The following TTC7B variants were observed in gnomAD, a reference collection of about 807,000 sequenced individuals.
The protein encoded by TTC7B is tetratricopeptide repeat protein 7B.
In TTC7B, 28 loss-of-function variants were observed where a neutral mutation model predicts 106.8. The ratio of observed to expected loss-of-function variants is 0.26; its 90% CI spans 0.19 to 0.36. The LOEUF is 0.36. TTC7B is among the 10% of genes least tolerant of loss of function. TTC7B has a pLI of 1.00. For missense variants in TTC7B, 862 were observed against 1,076.4 expected, an observed-to-expected ratio of 0.80 and a Z score of 2.79; for synonymous variants, 405 against 430.6, an observed-to-expected ratio of 0.94 and a Z score of 0.74.
chr14:90,684,584 A>C (rs1887183535), intron 7 of TTC7B, among the ~76,000 whole-genome samples: 1 of 152,222 alleles, frequency 6.6e-6, no homozygotes, highest in Admixed American at 6.5e-5. Context: ...ATATGGGTGA[A>C]TAGTTCAAAT....
chr14:90,758,499 G>C (rs1478721425), intron 3 of TTC7B, among the ~76,000 whole-genome samples: 1 of 151,912 alleles, frequency 6.6e-6, no homozygotes, highest in Non-Finnish European at 1.5e-5. Context: ...TCCCAAGGCC[G>C]ACCCGGCCGA....
intron 4 of TTC7B, among the ~76,000 whole-genome samples, chr14:90,741,236 C>G (rs1240587361): frequency 6.6e-6 from 1 of 152,094 alleles, no homozygotes; most frequent in East Asian, 1.9e-4. Flanking sequence ...TCAGAACATC[C>G]CAGAACATCA....
intron 2 of TTC7B, among the ~76,000 whole-genome samples, chr14:90,784,052 G>C (rs1420439059): frequency 1.3e-5 from 2 of 152,078 alleles, no homozygotes; most frequent in Admixed American, 1.3e-4. Context: ...GATGAAGTTG[G>C]GGGGCGGGTA....
intron 15 of TTC7B, among the ~76,000 whole-genome samples, chr14:90,632,880 C>T (rs2139866933): frequency 6.6e-6 from 1 of 152,352 alleles, no homozygotes; most frequent in African/African-American, 2.4e-5. Flanking sequence ...TTAAGAGTGC[C>T]TGTCACAATG....
chr14:90,574,358 C>T (rs1891168958), intron 19 of TTC7B, among the ~76,000 whole-genome samples: 1 of 152,226 alleles, frequency 6.6e-6, no homozygotes, highest in Non-Finnish European at 1.5e-5. Flanking sequence ...CTTGGCAACT[C>T]CTTATCCCTC....
In TTC7B at chr14:90,682,523, T is replaced by C. The variant is rs1887092609; in HGVS notation, c.951-1988A>G. Among the ~76,000 whole-genome samples the C allele has an allele frequency of 2.6e-5, 4 of 152,206 alleles. No individual in the cohort carries two copies. In the South Asian group the frequency reaches 6.2e-4, roughly 24 times the overall value. ...CCATTTCCGGCCAATTCCTTCCCTCTTGTTTGCTCAGGGAAGCATGGATGG... is the reference window on the plus strand; with the variant it reads ...CCATTTCCGGCCAATTCCTTCCCTCCTGTTTGCTCAGGGAAGCATGGATGG... On this transcript the variant is annotated intron_variant, in intron 7 of 19. Coordinates refer to ENST00000328459, the MANE Select transcript of TTC7B (RefSeq NM_001010854.2).
Position 90,624,818 on chromosome 14 carries a change from G to A in TTC7B, c.1752-6773C>T, listed in dbSNP as rs942793467. 1.3e-5 allele frequency among the ~76,000 whole-genome samples: 2 copies of A among 152,198 alleles called. No individual in the cohort carries two copies. The highest frequency in any genetic ancestry group is 4.8e-5 in the African/African-American group (2 of 41,438). On this transcript the variant is annotated intron_variant, in intron 15 of 19. Coordinates refer to ENST00000328459, the MANE Select transcript of TTC7B (RefSeq NM_001010854.2). This position sits in a 1 kb window ranked among gnomAD's most constrained non-coding sequence, Gnocchi z 4.0. ...TAACTGCTTTAGAGGTAACATCACG[G>A]GAACCTTGAACATTTCGTATCTTGT...
intron 1 of TTC7B, among the ~76,000 whole-genome samples, chr14:90,815,709 G>C (rs536837313): frequency 4.6e-5 from 7 of 151,758 alleles, no homozygotes. Flanking sequence ...TTCCCCAGGG[G>C]TCTATGTACA....
intron 2 of TTC7B, 113 bp downstream of exon 2, chr14:90,786,061 G>T: frequency 1.6e-6 from 2 of 1,237,636 alleles, no homozygotes; most frequent in Non-Finnish European, 2.1e-6. Context: ...AAGAAGACAA[G>T]CCCTGGCAGT....
chr14:90,669,165 A>G (rs989141021), intron 9 of TTC7B, among the ~76,000 whole-genome samples: 1 of 116,224 alleles, frequency 8.6e-6, no homozygotes, highest in Non-Finnish European at 2.1e-5. Flanking sequence ...TTCCACATGC[A>G]AAAGAATGGA....
chr14:90,550,423 A>G (rs546023837), intron 19 of TTC7B, among the ~76,000 whole-genome samples: 28 of 152,288 alleles, frequency 1.8e-4, no homozygotes, highest in African/African-American at 6.5e-4. Context: ...GTGAATATTC[A>G]TAGCTCCTCC....
intron 2 of TTC7B, among the ~76,000 whole-genome samples, chr14:90,782,283 A>G (rs1216394375): frequency 6.6e-6 from 1 of 152,172 alleles, no homozygotes; most frequent in Non-Finnish European, 1.5e-5. Flanking sequence ...CAGAGAAATC[A>G]AAGCAGACTC....
At chr14:90,787,401 T>C (rs1891430647) in intron 1 of TTC7B, among the ~76,000 whole-genome samples, 1 of 152,140 alleles carries the variant, frequency 6.6e-6, no homozygotes, top group South Asian at 2.1e-4. Context: ...CAGAACATAA[T>C]TGTATTAAAA....
intron 19 of TTC7B, among the ~76,000 whole-genome samples, chr14:90,576,473 G>A (rs957048919): frequency 1.3e-5 from 2 of 152,198 alleles, no homozygotes; most frequent in African/African-American, 4.8e-5. Context: ...GGTAAGGTTT[G>A]ATTTCTTTTT....
intron 1 of TTC7B, among the ~76,000 whole-genome samples, chr14:90,791,188 G>A (rs1036897069): frequency 1.5e-4 from 23 of 152,036 alleles, no homozygotes; most frequent in African/African-American, 5.1e-4. Flanking sequence ...GAACACCTAC[G>A]AATATTCCAA....
intron 3 of TTC7B, among the ~76,000 whole-genome samples, chr14:90,763,276 A>C (rs1460135916): frequency 1.3e-5 from 2 of 152,248 alleles, no homozygotes; most frequent in African/African-American, 4.8e-5. Flanking sequence ...AAAATAAAGC[A>C]CAAAAATTAC....
chr14:90,583,305 C>T (rs1455495648), intron 18 of TTC7B, among the ~76,000 whole-genome samples: 2 of 152,208 alleles, frequency 1.3e-5, no homozygotes, highest in African/African-American at 4.8e-5. Flanking sequence ...GGCTGGTCCC[C>T]TAGGACACAA....
At chr14:90,709,735 T>G (rs1489562683) in intron 5 of TTC7B, among the ~76,000 whole-genome samples, 4 of 151,992 alleles carry the variant, frequency 2.6e-5, no homozygotes, top group African/African-American at 9.7e-5. Flanking sequence ...AGAATATTTA[T>G]GAGCAATTAC....
intron 5 of TTC7B, among the ~76,000 whole-genome samples, chr14:90,696,191 G>C (rs1398992193): frequency 6.6e-6 from 1 of 152,176 alleles, no homozygotes; most frequent in Non-Finnish European, 1.5e-5. Context: ...AGCTCCCTGA[G>C]TGTGAGCAGA....
Sources: allele counts gnomAD v4.1 joint callset (sites outside exome capture counted in the v4.1 genomes callset), GRCh38; gene constraint gnomAD v4.1.1; non-coding constraint Gnocchi (gnomAD v3.1); transcripts MANE v1.5; gene names NCBI Gene and HGNC (gene_info 2026-07-23, HGNC 2026-07-21).